CSRNP3: variants seen among roughly 807,000 people sequenced by gnomAD.
The protein encoded by CSRNP3 is cysteine/serine-rich nuclear protein 3.
A neutral mutation model predicts 48.0 loss-of-function variants in CSRNP3; 12 were observed. The observed-to-expected ratio is 0.25, with a 90% confidence interval of 0.16 to 0.41. The LOEUF (loss-of-function observed/expected upper bound fraction) is 0.41, where lower values mean the gene tolerates loss of function less well. Ranked by LOEUF, CSRNP3 falls within the 10% of genes least tolerant of loss-of-function variation. The pLI is 1.00. For missense variants in CSRNP3, 580 were observed against 724.4 expected, an observed-to-expected ratio of 0.80 and a Z score of 2.29; for synonymous variants, 263 against 269.7, an observed-to-expected ratio of 0.98 and a Z score of 0.24.
At chr2:165,634,709 T>G (rs975987286) in intron 4 of CSRNP3, among the ~76,000 whole-genome samples, 2 of 152,226 alleles carry the variant, frequency 1.3e-5, no homozygotes, top group African/African-American at 4.8e-5. Flanking sequence ...TGCTAATAAT[T>G]TAAAGATCAG....
chr2:165,653,972 CAAAAAAAAAAAAAAAA>C (rs71028497), intron 4 of CSRNP3, among the ~76,000 whole-genome samples: 45 of 41,228 alleles, frequency 1.1e-3, no homozygotes, highest in Admixed American at 3.1e-3. Context: ...AGCTCTATCA[CAAAAAAAAAAAAAAAA>C]AAAAAAAAAA....
intron 2 of CSRNP3, among the ~76,000 whole-genome samples, chr2:165,497,756 TG>T (rs1684302370): frequency 1.3e-5 from 2 of 152,052 alleles, no homozygotes; most frequent in Non-Finnish European, 2.9e-5. Flanking sequence ...AATCAAAATG[TG>T]AGCTGGTGGC....
At chr2:165,627,055 A>G (rs1686448135) in intron 4 of CSRNP3, among the ~76,000 whole-genome samples, 1 of 151,400 alleles carries the variant, frequency 6.6e-6, no homozygotes, top group Non-Finnish European at 1.5e-5. Flanking sequence ...GAACTCCTTC[A>G]CTCTCCATTT....
chr2:165,518,636 T>C (rs1377901494), intron 3 of CSRNP3, among the ~76,000 whole-genome samples: 1 of 152,044 alleles, frequency 6.6e-6, no homozygotes, highest in African/African-American at 2.4e-5. Context: ...TGGTTTAGTC[T>C]AATTGGATAC....
chr2:165,535,654 A>T (rs1004778485), intron 3 of CSRNP3, among the ~76,000 whole-genome samples: 1 of 151,838 alleles, frequency 6.6e-6, no homozygotes, highest in South Asian at 2.1e-4. Flanking sequence ...GTTTATTGCT[A>T]TGATGAGAGA....
In CSRNP3 at chr2:165,584,058, G is replaced by T. The variant is rs1194885435; in HGVS notation, c.-23-10985G>T. The stretch of plus-strand genomic sequence containing the variant: ...GAACAAAAAGATCATGGGGAGATGT[G>T]CTCTGTTACAAGGGTTTGTGATAAA... On this transcript the variant is annotated intron_variant, in intron 3 of 6. Coordinates refer to ENST00000651982, the MANE Select transcript of CSRNP3 (RefSeq NM_001172173.2). 2.0e-5 allele frequency among the ~76,000 whole-genome samples: 3 copies of T among 152,232 alleles called. No homozygotes were observed. The South Asian group carries it at 6.2e-4, about 32-fold the overall frequency.
At chr2:165,563,059 C>T (rs1685254495) in intron 3 of CSRNP3, among the ~76,000 whole-genome samples, 1 of 152,140 alleles carries the variant, frequency 6.6e-6, no homozygotes, top group African/African-American at 2.4e-5. Flanking sequence ...ATACCAGACT[C>T]TCCTATTTGT....
chr2:165,622,669 G>C (rs1371528308), intron 4 of CSRNP3, among the ~76,000 whole-genome samples: 2 of 152,092 alleles, frequency 1.3e-5, no homozygotes, highest in Admixed American at 1.3e-4. Context: ...CATTTCTCCA[G>C]TGGGAAGGAG....
intron 4 of CSRNP3, among the ~76,000 whole-genome samples, chr2:165,595,985 A>AT (rs1263692448): frequency 2.6e-5 from 4 of 151,412 alleles, no homozygotes; most frequent in African/African-American, 2.4e-5. Context: ...TATTTTTTGT[A>AT]TTTTTTTGTA....
At chr2:165,586,439 A>T (rs1007973224) in intron 3 of CSRNP3, among the ~76,000 whole-genome samples, 1 of 152,236 alleles carries the variant, frequency 6.6e-6, no homozygotes, top group African/African-American at 2.4e-5. Flanking sequence ...ACAAAAAAGT[A>T]GATTTCTCAG....
At chr2:165,492,925 C>A (rs1574802401) in intron 1 of CSRNP3, among the ~76,000 whole-genome samples, 1 of 128,498 alleles carries the variant, frequency 7.8e-6, no homozygotes. Flanking sequence ...GGATGATACT[C>A]AAATTCCCTA....
chr2:165,576,868 A>T (rs1454584236), intron 3 of CSRNP3, among the ~76,000 whole-genome samples: 1 of 152,058 alleles, frequency 6.6e-6, no homozygotes, highest in African/African-American at 2.4e-5. Context: ...ACTTAAAGAG[A>T]TAGTGTTATA....
At chr2:165,542,038 T>C (rs1015989063) in intron 3 of CSRNP3, among the ~76,000 whole-genome samples, 2 of 152,188 alleles carry the variant, frequency 1.3e-5, no homozygotes, top group Non-Finnish European at 2.9e-5. Flanking sequence ...TAACTAAATG[T>C]ACTGTCACAA....
chr2:165,605,642 C>T (rs1685998026), intron 4 of CSRNP3, among the ~76,000 whole-genome samples: 1 of 151,994 alleles, frequency 6.6e-6, no homozygotes, highest in South Asian at 2.1e-4. Context: ...CATATGATTG[C>T]CACTGTGCTA....
chr2:165,536,248 C>T (rs1305588878), intron 3 of CSRNP3, among the ~76,000 whole-genome samples: 18 of 151,892 alleles, frequency 1.2e-4, no homozygotes, highest in Non-Finnish European at 5.9e-5. Context: ...TACTGGCAGC[C>T]TCAGAGTTTG....
chr2:165,575,801 A>ACC (rs1685440809), intron 3 of CSRNP3, among the ~76,000 whole-genome samples: 2 of 151,824 alleles, frequency 1.3e-5, no homozygotes, highest in African/African-American at 4.8e-5. Flanking sequence ...ACCCTTTATC[A>ACC]CTCTATGGGG....
intron 4 of CSRNP3, among the ~76,000 whole-genome samples, chr2:165,628,032 A>G (rs1259073009): frequency 2.0e-5 from 3 of 152,234 alleles, no homozygotes; most frequent in Admixed American, 6.5e-5. Context: ...CCATGAAGCC[A>G]TAGTTGAATT....
chr2:165,583,978 G>A (rs1041758999), intron 3 of CSRNP3, among the ~76,000 whole-genome samples: 1 of 152,100 alleles, frequency 6.6e-6, no homozygotes, highest in Admixed American at 6.5e-5. Context: ...TAGGGCTTCC[G>A]AAAGTAAGAG....
At chr2:165,615,310 G>A (rs528270997) in intron 4 of CSRNP3, among the ~76,000 whole-genome samples, 13 of 152,138 alleles carry the variant, frequency 8.5e-5, no homozygotes, top group South Asian at 6.2e-4. Context: ...TTGGGAGGCC[G>A]AGTCGGGCAG....
Sources: gnomAD v4.1 joint callset for allele counts (sites outside exome capture counted in the v4.1 genomes callset) on GRCh38, gnomAD v4.1.1 for gene constraint, MANE v1.5 for transcripts, NCBI Gene and HGNC (gene_info 2026-07-23, HGNC 2026-07-21) for gene names.